BRINP3: variants seen among roughly 807,000 people sequenced by gnomAD.
BRINP3 encodes the protein BMP/retinoic acid inducible neural specific 3, also known as BMP/retinoic acid-inducible neural-specific protein 3.
In BRINP3, 19 loss-of-function variants were observed where a neutral mutation model predicts 71.0. The ratio of observed to expected loss-of-function variants is 0.27; its 90% CI spans 0.19 to 0.39. The LOEUF is 0.39. Ranked by LOEUF, BRINP3 falls within the 10% of genes least tolerant of loss-of-function variation. The probability of loss-of-function intolerance (pLI) is 1.00; values close to 1 mark genes in which losing one functional copy is unlikely to be tolerated. For missense variants in BRINP3, 959 were observed against 940.8 expected, an observed-to-expected ratio of 1.02 and a Z score of -0.25; for synonymous variants, 380 against 337.7, an observed-to-expected ratio of 1.13 and a Z score of -1.37.
intron 2 of BRINP3, among the ~76,000 whole-genome samples, chr1:190,430,301 G>A: frequency 6.6e-6 from 1 of 152,158 alleles, no homozygotes; most frequent in Non-Finnish European, 1.5e-5. Context: ...GTGATTAAAA[G>A]AGAAAACCAT....
chr1:190,140,656 T>C (rs988273025), intron 7 of BRINP3, among the ~76,000 whole-genome samples: 7 of 152,192 alleles, frequency 4.6e-5, no homozygotes, highest in African/African-American at 1.2e-4. Context: ...ATGTTAAAAT[T>C]AAAGCTGTAG....
chr1:190,322,949 A>C (rs1424385085), intron 2 of BRINP3, among the ~76,000 whole-genome samples: 1 of 151,974 alleles, frequency 6.6e-6, no homozygotes, highest in Non-Finnish European at 1.5e-5. Context: ...GATGCAACTC[A>C]CATTTTTACA....
chr1:190,390,233 G>A (rs568830851), intron 2 of BRINP3, among the ~76,000 whole-genome samples: 1 of 151,778 alleles, frequency 6.6e-6, no homozygotes, highest in South Asian at 2.1e-4. Context: ...GGTGGGATGG[G>A]AGGCATCAGA....
At chr1:190,448,122 A>T (rs1675351021) in intron 2 of BRINP3, among the ~76,000 whole-genome samples, 1 of 151,728 alleles carries the variant, frequency 6.6e-6, no homozygotes, top group Non-Finnish European at 1.5e-5. Flanking sequence ...ATTGTATTGA[A>T]TATCCTTAGA....
chr1:190,097,905 T>A lies in BRINP3; in HGVS notation c.*113A>T. The A allele has an allele frequency of 8.6e-7, 1 of 1,161,810 alleles. No individual in the cohort carries two copies. Among genetic ancestry groups the A allele is most frequent in the Non-Finnish European group, 1.2e-6 (1 of 824,638 alleles). The allele number at this position is 1,161,810 out of a possible 1,614,324, so 72.0% of individuals were successfully genotyped here. ...ATTGCCATCCAATGTTATTGACTGA[T>A]ATAAGACAGATATTGAAAAGACAAT... On this transcript the variant is annotated 3_prime_UTR_variant, in exon 8 of 8. Coordinates refer to ENST00000367462, the MANE Select transcript of BRINP3 (RefSeq NM_199051.3).
intron 7 of BRINP3, among the ~76,000 whole-genome samples, chr1:190,137,949 G>GT (rs560918673): frequency 0.021 from 3,012 of 145,288 alleles, 39 homozygotes; most frequent in African/African-American, 0.039. Flanking sequence ...AGACTTCCTA[G>GT]TTTTTTTTTT....
intron 7 of BRINP3, among the ~76,000 whole-genome samples, chr1:190,116,835 G>A (rs1347713390): frequency 6.6e-6 from 1 of 151,976 alleles, no homozygotes; most frequent in Non-Finnish European, 1.5e-5. Context: ...ATGAATTTGA[G>A]TGCCTTATGT....
At chr1:190,313,745 G>C (rs1239606415) in intron 2 of BRINP3, among the ~76,000 whole-genome samples, 2 of 151,906 alleles carry the variant, frequency 1.3e-5, no homozygotes, top group Non-Finnish European at 1.5e-5. Context: ...GAAAACTAAG[G>C]TTTAAAGAAA....
intron 7 of BRINP3, among the ~76,000 whole-genome samples, chr1:190,155,917 A>G (rs1280149446): frequency 6.6e-6 from 1 of 152,058 alleles, no homozygotes; most frequent in African/African-American, 2.4e-5. Context: ...TTTCTTTAGA[A>G]ATTACCAAGT....
chr1:190,472,322 A>C (rs1036336994), intron 1 of BRINP3, among the ~76,000 whole-genome samples: 2 of 151,622 alleles, frequency 1.3e-5, no homozygotes. Flanking sequence ...CAAGCACTCT[A>C]CTTTTCCCAA....
At chr1:190,130,967 C>T (rs1020322193) in intron 7 of BRINP3, among the ~76,000 whole-genome samples, 1 of 151,878 alleles carries the variant, frequency 6.6e-6, no homozygotes, top group African/African-American at 2.4e-5. Flanking sequence ...CCAGTATAAT[C>T]CTGCTCCCTA....
chr1:190,432,423 GAT>G (rs1178736708), intron 2 of BRINP3, among the ~76,000 whole-genome samples: 1 of 152,098 alleles, frequency 6.6e-6, no homozygotes, highest in African/African-American at 2.4e-5. Flanking sequence ...AAAGAATGGT[GAT>G]ATTCAGAGGC....
intron 2 of BRINP3, among the ~76,000 whole-genome samples, chr1:190,424,063 A>T (rs10920716): frequency 6.6e-6 from 1 of 151,342 alleles, no homozygotes; most frequent in Non-Finnish European, 1.5e-5. Flanking sequence ...TTTTATTTTT[A>T]AATATAGTCC....
chr1:190,379,203 AAAC>A (rs1670363590), intron 2 of BRINP3, among the ~76,000 whole-genome samples: 1 of 152,186 alleles, frequency 6.6e-6, no homozygotes, highest in African/African-American at 2.4e-5. Flanking sequence ...ATGATTTAAA[AAAC>A]AAAACAAAAA....
chr1:190,366,669 A>G (rs1313188040), intron 2 of BRINP3, among the ~76,000 whole-genome samples: 6 of 152,176 alleles, frequency 3.9e-5, no homozygotes, highest in African/African-American at 1.4e-4. Flanking sequence ...CTATAAAATC[A>G]AAAGCAAATT....
At chr1:190,411,830 A>G (rs1405558978) in intron 2 of BRINP3, among the ~76,000 whole-genome samples, 1 of 152,212 alleles carries the variant, frequency 6.6e-6, no homozygotes, top group Non-Finnish European at 1.5e-5. Flanking sequence ...CAGTTTAGAG[A>G]AGTGAAAGAA....
At chr1:190,233,157 C>T (rs1658164682) in intron 5 of BRINP3, among the ~76,000 whole-genome samples, 1 of 151,816 alleles carries the variant, frequency 6.6e-6, no homozygotes, top group Non-Finnish European at 1.5e-5. Flanking sequence ...CTCACTGTCA[C>T]CCAGGCTGGA....
At chr1:190,291,019 G>T (rs530391079) in intron 2 of BRINP3, among the ~76,000 whole-genome samples, 61 of 151,896 alleles carry the variant, frequency 4.0e-4, no homozygotes, top group Non-Finnish European at 6.5e-4. Flanking sequence ...AAGGTTGAGA[G>T]AAGTTTATCC....
At position 190,098,587 on chromosome 1, in the gene BRINP3, C is replaced by T; in HGVS notation, c.1732G>A (p.Gly578Ser). 1 of 1,614,158 alleles carries T rather than the reference C, an allele frequency of 6.2e-7. No individual in the cohort carries two copies. Among genetic ancestry groups the T allele is most frequent in the Non-Finnish European group, 8.5e-7 (1 of 1,180,016 alleles). Residue 578 changes from glycine to serine, a missense_variant, in exon 8 of 8, where the codon GGC becomes AGC. Transcript: ENST00000367462. Reference protein sequence around the residue: ...VLAVYVNPFGGSHSESWFMPV... With the variant: ...VLAVYVNPFGSSHSESWFMPV... The stretch of plus-strand genomic sequence containing the variant: ...ATAAACCAGCTCTCAGAGTGGCTGC[C>T]TCCGAAGGGATTGACATAAACAGCC...
Sources: gnomAD v4.1 joint callset for allele counts (sites outside exome capture counted in the v4.1 genomes callset) on GRCh38, gnomAD v4.1.1 for gene constraint, MANE v1.5 for transcripts, NCBI Gene and HGNC (gene_info 2026-07-23, HGNC 2026-07-21) for gene names.